The following E2F5 variants were observed in gnomAD, a reference collection of about 807,000 sequenced individuals.
E2F5 encodes E2F transcription factor 5.
E2F5 carries 23 observed loss-of-function variants against 39.1 expected under a neutral mutation model. The ratio of observed to expected loss-of-function variants is 0.59; its 90% CI spans 0.42 to 0.83. E2F5 has a LOEUF of 0.83. E2F5 is among the 40% of genes least tolerant of loss of function. The pLI is 0.00. For synonymous variants in E2F5, 145 were observed against 157.8 expected (o/e 0.92, Z 0.61); for missense variants, 365 against 406.7 (o/e 0.90, Z 0.88).
rs199969420 is a variant in E2F5, at chr8:85,203,291, C to G, written c.506+36C>G. 45 of 1,478,226 alleles carry G rather than the reference C, an allele frequency of 3.0e-5. No individual in the cohort carries two copies. The East Asian group carries it at 7.1e-4, about 23-fold the overall frequency. 91.6% of individuals were successfully genotyped at this position (1,478,226 alleles called of 1,614,324 possible). On this transcript the variant is annotated intron_variant, in intron 3 of 7. Coordinates refer to ENST00000416274, the MANE Select transcript of E2F5 (RefSeq NM_001951.4). The stretch of plus-strand genomic sequence containing the variant: ...AAATAAGTTATGCATATACATATAG[C>G]TTTGGAATATGTATGTATAAATCAT...
At chr8:85,184,291 A>G (rs4150858) in intron 1 of E2F5, among the ~76,000 whole-genome samples, 1 of 152,280 alleles carries the variant, frequency 6.6e-6, no homozygotes, top group East Asian at 1.9e-4. Flanking sequence ...AATAGATGCA[A>G]AAAGGCCTTC....
chr8:85,212,237 T>C (rs1164563150), intron 7 of E2F5, 33 bp downstream of exon 7: 19 of 1,445,322 alleles, frequency 1.3e-5, no homozygotes, highest in Non-Finnish European at 1.7e-5. Context: ...AACTCACTTA[T>C]CAGTAATGCT....
At chr8:85,187,740 A>C (rs984921873) in intron 1 of E2F5, 4 of 152,172 alleles carry the variant, frequency 2.6e-5, no homozygotes, top group African/African-American at 9.7e-5. Context: ...CCATTTAACT[A>C]CTTTGCCTTT....
At chr8:85,205,843 T>C (rs1189875597) in intron 3 of E2F5, among the ~76,000 whole-genome samples, 2 of 152,216 alleles carry the variant, frequency 1.3e-5, no homozygotes, top group Non-Finnish European at 2.9e-5. Context: ...AAATTCCTGA[T>C]GTGGAAGCTG....
rs1429148957 is a variant in E2F5, at chr8:85,214,181, C to T, written c.*319C>T. ...TAAGGAGGAAAGTTAAAGGACACTA[C>T]AGGTCATCAAAAACAAGTTGGCCAA... On this transcript the variant is annotated 3_prime_UTR_variant, in exon 8 of 8. Coordinates refer to ENST00000416274, the MANE Select transcript of E2F5 (RefSeq NM_001951.4). 3 of 536,338 alleles carry T rather than the reference C, an allele frequency of 5.6e-6. No individual in the cohort carries two copies. Among genetic ancestry groups the T allele is most frequent in the Non-Finnish European group, 1.1e-5 (3 of 280,486 alleles). The allele number at this position is 536,338 out of a possible 1,614,324, so 33.2% of individuals were successfully genotyped here. A position where few individuals can be genotyped will look rare whatever the true frequency, so the allele number is the denominator to read the frequency against.
intron 1 of E2F5, among the ~76,000 whole-genome samples, chr8:85,194,667 T>C (rs1210574520): frequency 1.3e-5 from 2 of 150,982 alleles, no homozygotes; most frequent in Non-Finnish European, 1.5e-5. Flanking sequence ...CCCAAGTAGC[T>C]GGGATTACAA....
At chr8:85,201,940 C>T in intron 1 of E2F5, 2 of 544,516 alleles carry the variant, frequency 3.7e-6, no homozygotes, top group Non-Finnish European at 6.4e-6. Context: ...TTTTCTGTTC[C>T]AACATCTGCT....
chr8:85,180,131 C>T (rs1009041394), intron 1 of E2F5, among the ~76,000 whole-genome samples: 6 of 151,908 alleles, frequency 3.9e-5, no homozygotes, highest in African/African-American at 1.5e-4. Flanking sequence ...AGCGATTCTC[C>T]TGCCTCAGCC....
Position 85,200,242 on chromosome 8 carries a change from G to T in E2F5, c.235-1905G>T, listed in dbSNP as rs1812666676. The T allele has an allele frequency of 9.0e-6, 8 of 889,558 alleles. No homozygotes were observed. The South Asian group carries it at 4.1e-4, about 46-fold the overall frequency. The allele number at this position is 889,558 out of a possible 1,614,324, so 55.1% of individuals were successfully genotyped here. ...AGCTTCGGCAAGAGAGGGAGACTCT[G>T]TCTCAAAAAAAAAAAAGAATGATGG... is the stretch of plus-strand genomic sequence containing the variant. On this transcript the variant is annotated intron_variant, in intron 1 of 7. Coordinates refer to ENST00000416274, the MANE Select transcript of E2F5 (RefSeq NM_001951.4).
At chr8:85,213,502 T>C (rs1587505396) in intron 7 of E2F5, 2 of 182,234 alleles carry the variant, frequency 1.1e-5, no homozygotes, top group South Asian at 8.7e-5. Context: ...GAGATCGAGC[T>C]ACTGCACTCC....
At chr8:85,184,775 G>T (rs1483573653) in intron 1 of E2F5, among the ~76,000 whole-genome samples, 1 of 152,134 alleles carries the variant, frequency 6.6e-6, no homozygotes, top group African/African-American at 2.4e-5. Context: ...GCTACTAAGA[G>T]AATAAAATAC....
intron 1 of E2F5, among the ~76,000 whole-genome samples, chr8:85,189,404 C>G (rs1244917169): frequency 6.6e-6 from 1 of 152,088 alleles, no homozygotes; most frequent in South Asian, 2.1e-4. Flanking sequence ...GGCAGAGTCT[C>G]TGTGACCCAG....
chr8:85,183,108 C>G (rs368722617), intron 1 of E2F5, among the ~76,000 whole-genome samples: 186 of 152,116 alleles, frequency 1.2e-3, no homozygotes, highest in Middle Eastern at 6.8e-3. Flanking sequence ...AAAAATTAGC[C>G]GGGTGTGATG....
chr8:85,210,836 G>A (rs1812901510), intron 6 of E2F5, among the ~76,000 whole-genome samples: 1 of 152,112 alleles, frequency 6.6e-6, no homozygotes, highest in South Asian at 2.1e-4. Context: ...CTGTTTTTAT[G>A]GTTTCATGTT....
chr8:85,211,695 A>AGGC (rs979902474), intron 6 of E2F5, among the ~76,000 whole-genome samples: 10 of 116,190 alleles, frequency 8.6e-5, no homozygotes, highest in Non-Finnish European at 1.6e-4. Context: ...TTTGTCAGCC[A>AGGC]GGCTGGAATG....
chr8:85,183,022 C>T (rs1468578514), intron 1 of E2F5, among the ~76,000 whole-genome samples: 9 of 152,074 alleles, frequency 5.9e-5, no homozygotes, highest in South Asian at 2.1e-4. Context: ...GAGGCCGAGG[C>T]GGGCAGATCA....
chr8:85,208,856 A>G (rs1812854028), intron 5 of E2F5, among the ~76,000 whole-genome samples: 1 of 152,208 alleles, frequency 6.6e-6, no homozygotes, highest in South Asian at 2.1e-4. Context: ...GCCCTGACCT[A>G]TTATATAGTC....
At chr8:85,203,897 A>C (rs895692397) in intron 3 of E2F5, among the ~76,000 whole-genome samples, 2 of 150,112 alleles carry the variant, frequency 1.3e-5, no homozygotes, top group African/African-American at 2.4e-5. Context: ...ACACATATCC[A>C]TGTGTTTCTT....
Position 85,177,557 on chromosome 8 carries a change from G to T in E2F5, c.137G>T (p.Gly46Val), listed in dbSNP as rs972463161. 8.0e-7 allele frequency: 1 copy of T among 1,256,440 alleles called. No individual in the cohort carries two copies. Among genetic ancestry groups the T allele is most frequent in the Non-Finnish European group, 1.0e-6 (1 of 999,084 alleles). The allele number at this position is 1,256,440 out of a possible 1,614,324, so 77.8% of individuals were successfully genotyped here. A position where few individuals can be genotyped will look rare whatever the true frequency, so the allele number is the denominator to read the frequency against. Residue 46 changes from glycine (G) to valine (V), a missense_variant, in exon 1 of 8, where the codon GGC becomes GTC. Coordinates refer to ENST00000416274, the MANE Select transcript of E2F5 (RefSeq NM_001951.4). ...PPPPQLGGAGGGSSRHEKSLG... is the reference protein window; with the variant it reads ...PPPPQLGGAGVGSSRHEKSLG... Reference sequence around the variant, plus strand: ...CCGCCGCAGCTCGGGGGCGCCGGGGGCGGCAGCAGCAGGCACGAGAAGAGC... The same window carrying T: ...CCGCCGCAGCTCGGGGGCGCCGGGGTCGGCAGCAGCAGGCACGAGAAGAGC...
Sources: gnomAD v4.1 joint callset for allele counts (sites outside exome capture counted in the v4.1 genomes callset) on GRCh38, gnomAD v4.1.1 for gene constraint, MANE v1.5 for transcripts, NCBI Gene and HGNC (gene_info 2026-07-23, HGNC 2026-07-21) for gene names.